Variants in BSN observed in about 807,000 individuals in gnomAD.
The protein encoded by BSN is protein bassoon.
Under a neutral mutation model 264.8 loss-of-function variants are expected in BSN, and 57 were observed. The observed-to-expected ratio is 0.22, with a 90% confidence interval of 0.17 to 0.27. The LOEUF (loss-of-function observed/expected upper bound fraction) is 0.27. BSN is among the 10% of genes least tolerant of loss of function. The pLI is 1.00. For missense variants in BSN, 4,615 were observed against 5,232.5 expected (o/e 0.88, Z 3.64); for synonymous variants, 2,059 against 2,137.3 (o/e 0.96, Z 1.01).
At chr3:49,571,532 G>T (rs1183010822) in intron 1 of BSN, among the ~76,000 whole-genome samples, 1 of 152,148 alleles carries the variant, frequency 6.6e-6, no homozygotes, top group South Asian at 2.1e-4. Flanking sequence ...AAGAGCCCAG[G>T]ACTCATAGGA....
intron 11 of BSN, among the ~76,000 whole-genome samples, 169 bp from the exon 12 acceptor site, chr3:49,667,421 C>G (rs893194384): frequency 5.9e-5 from 9 of 152,210 alleles, no homozygotes; most frequent in Non-Finnish European, 1.0e-4. Flanking sequence ...TGCCCAAGCA[C>G]CCATCTCCCC....
chr3:49,601,740 T>C (rs1268237184), intron 1 of BSN, among the ~76,000 whole-genome samples: 1 of 152,206 alleles, frequency 6.6e-6, no homozygotes, highest in Admixed American at 6.5e-5. Context: ...AGTTTTCCAG[T>C]TTTTGTATGT....
chr3:49,628,117 C>T (rs1402593662), intron 2 of BSN, among the ~76,000 whole-genome samples: 3 of 152,184 alleles, frequency 2.0e-5, no homozygotes, highest in Non-Finnish European at 1.5e-5. Flanking sequence ...GCTTTCAGGG[C>T]ATCTCCAAGA....
intron 2 of BSN, among the ~76,000 whole-genome samples, chr3:49,629,212 AT>A (rs1215325091): frequency 1.3e-5 from 2 of 152,270 alleles, no homozygotes; most frequent in Non-Finnish European, 2.9e-5. Context: ...GAAAAGCAGG[AT>A]TCCAAGGATT....
Position 49,652,605 on chromosome 3 carries a change from G to A in BSN, c.3049G>A (p.Glu1017Lys). ...DSSPSRRQRLEEAKQQRKARH... is the reference protein window; with the variant it reads ...DSSPSRRQRLKEAKQQRKARH... ...CAGCCCCAGCCGCAGGCAGCGTCTA[G>A]AAGAAGCAAAGCAGCAGCGCAAGGC... Residue 1017 changes from glutamate to lysine, a missense_variant, in exon 5 of 12, where the codon GAA (glutamate) becomes AAA (lysine). Glu to Lys is a moderately conservative substitution (Grantham distance 56). Transcript: ENST00000296452. 6.2e-7 allele frequency: 1 copy of A among 1,613,510 alleles called. No homozygotes were observed. The highest frequency in any genetic ancestry group is 8.5e-7 in the Non-Finnish European group (1 of 1,179,910).
intron 1 of BSN, among the ~76,000 whole-genome samples, chr3:49,576,168 C>T (rs544176042): frequency 6.5e-4 from 98 of 151,920 alleles, no homozygotes; most frequent in Admixed American, 1.4e-3. Flanking sequence ...TCCAAGTAAA[C>T]CACTATATCT....
In BSN at chr3:49,656,901, C is replaced by T. The variant is rs1170118175; in HGVS notation, c.7345C>T (p.Arg2449Cys). Residue 2449 changes from arginine to cysteine, a missense_variant, in exon 5 of 12, where the codon CGT becomes TGT. Coordinates refer to ENST00000296452, the MANE Select transcript of BSN (RefSeq NM_003458.4). The stretch of plus-strand genomic sequence containing the variant: ...GCAGCGGGAACAGCTAGCGCAGCAG[C>T]GTCTGCAGCTGGAGCAGATCCAGCA... ...ALQREQLAQQ[R>C]LQLEQIQQLQ... 4 of 1,600,528 alleles carry T rather than the reference C, an allele frequency of 2.5e-6. No homozygotes were observed. The highest frequency in any genetic ancestry group is 1.3e-5 in the African/African-American group (1 of 74,838).
chr3:49,569,029 AAGGATTGCTGAATGGTTGGCTGTGAAGAG>A (rs2051775300), intron 1 of BSN, among the ~76,000 whole-genome samples: 3 of 152,134 alleles, frequency 2.0e-5, no homozygotes, highest in Admixed American at 1.3e-4. Context: ...ATTGAGCCAG[AAGGATTGCTGAATGGTTGGCTGTGAAGAG>A]TTGAAGAGAG....
intron 1 of BSN, among the ~76,000 whole-genome samples, chr3:49,560,316 T>A (rs1426098357): frequency 6.6e-6 from 1 of 152,120 alleles, no homozygotes; most frequent in Non-Finnish European, 1.5e-5. Flanking sequence ...TGCAGTAAGT[T>A]GGGGCTAACT....
At chr3:49,605,870 ATT>A (rs374010487) in intron 1 of BSN, among the ~76,000 whole-genome samples, 5 of 49,368 alleles carry the variant, frequency 1.0e-4, no homozygotes, top group Non-Finnish European at 1.8e-4. Flanking sequence ...ATTTATATCT[ATT>A]TATATATAGA....
intron 1 of BSN, among the ~76,000 whole-genome samples, chr3:49,598,722 A>G (rs2108030654): frequency 6.6e-6 from 1 of 152,312 alleles, no homozygotes; most frequent in Non-Finnish European, 1.5e-5. Context: ...CATTACACTT[A>G]ATGGTGAAAA....
chr3:49,655,579 C>G lies in BSN; in HGVS notation c.6023C>G (p.Pro2008Arg). The G allele has an allele frequency of 8.1e-6, 13 of 1,613,654 alleles. No individual in the cohort carries two copies. The highest frequency in any genetic ancestry group is 1.1e-5 in the Non-Finnish European group (13 of 1,180,012). ...AGGATCGGGCAGCTCTTCCAGGGTC[C>G]TGGACGAGACTCGGCTATGGACCTC... is the stretch of plus-strand genomic sequence containing the variant. ...AQRIGQLFQG[P>R]GRDSAMDLSS... The change falls in exon 5 of 12, where the codon CCT becomes CGT. Residue 2008 changes from proline (P) to arginine (R), a missense_variant. By Grantham distance (103) the Pro-to-Arg change is moderately radical. This residue lies in a region of BSN where 3,415 missense variants were observed against 3,866.4 expected (regional missense o/e 0.88). Coordinates refer to ENST00000296452, the MANE Select transcript of BSN (RefSeq NM_003458.4).
chr3:49,621,659 G>A (rs1276994929), intron 1 of BSN, among the ~76,000 whole-genome samples: 1 of 152,116 alleles, frequency 6.6e-6, no homozygotes, highest in Admixed American at 6.6e-5. Flanking sequence ...AAGCCAGGTT[G>A]GAGGGGTAGG....
chr3:49,665,195 A>G lies in BSN; in HGVS notation c.*15-34A>G, dbSNP rs1308217142. On this transcript the variant is annotated intron_variant, in intron 10 of 11. Coordinates refer to ENST00000296452, the MANE Select transcript of BSN (RefSeq NM_003458.4). ...TTGTAGGTAGGCCTCCAGGGATGCA[A>G]CTCCTCTCCAGCCCTCCTCTAAATG... The G allele has an allele frequency of 1.8e-5, 4 of 228,374 alleles. No homozygotes were observed. In the East Asian group the frequency reaches 3.0e-4, roughly 17 times the overall value. The allele number at this position is 228,374 out of a possible 1,614,324, so 14.1% of individuals were successfully genotyped here. A position where few individuals can be genotyped will look rare whatever the true frequency, so the allele number is the denominator to read the frequency against.
At chr3:49,649,436 C>T (rs1474551803) in intron 3 of BSN, among the ~76,000 whole-genome samples, 2 of 152,218 alleles carry the variant, frequency 1.3e-5, no homozygotes, top group Non-Finnish European at 2.9e-5. Flanking sequence ...TGGGACCCTG[C>T]TCTGGGCTCC....
At chr3:49,637,865 C>T (rs2052430467) in intron 2 of BSN, among the ~76,000 whole-genome samples, 1 of 152,182 alleles carries the variant, frequency 6.6e-6, no homozygotes, top group South Asian at 2.1e-4. Flanking sequence ...CCCACTGGGT[C>T]GGGGTGCACG....
chr3:49,603,759 A>T (rs2052089834), intron 1 of BSN, among the ~76,000 whole-genome samples: 1 of 152,218 alleles, frequency 6.6e-6, no homozygotes, highest in African/African-American at 2.4e-5. Context: ...TGCATTCACA[A>T]TATTATGCAA....
chr3:49,614,049 G>GTTT (rs2052235832), intron 1 of BSN, among the ~76,000 whole-genome samples: 1 of 129,710 alleles, frequency 7.7e-6, no homozygotes, highest in Admixed American at 7.6e-5. Flanking sequence ...GAGACATTCA[G>GTTT]TCTTTTTTTT....
In BSN at chr3:49,662,166, A is replaced by G. The variant is rs762851757; in HGVS notation, c.10321A>G (p.Ser3441Gly). The G allele has an allele frequency of 1.9e-6, 3 of 1,612,770 alleles. No individual in the cohort carries two copies. Among genetic ancestry groups the G allele is most frequent in the Non-Finnish European group, 2.5e-6 (3 of 1,179,874 alleles). ...GGACGACCGCATTTATGGCGGGAGC[A>G]GCCGGTCCCGGGCACCTTCTGCATA... ...VEDDRIYGGS[S>G]RSRAPSAYSG... The change falls in exon 6 of 12, where the codon AGC becomes GGC. Residue 3441 changes from serine (S) to glycine (G), a missense_variant. Around this residue, in one of 3 missense-constraint regions of BSN, gnomAD observed 3,415 missense variants for 3,866.4 expected, o/e 0.88. Coordinates refer to ENST00000296452, the MANE Select transcript of BSN (RefSeq NM_003458.4).
Sources: gnomAD v4.1 joint callset for allele counts (sites outside exome capture counted in the v4.1 genomes callset) on GRCh38, gnomAD v4.1.1 for gene constraint, gnomAD v4.1.1 regional missense constraint, MANE v1.5 for transcripts, NCBI Gene and HGNC (gene_info 2026-07-23, HGNC 2026-07-21) for gene names.